Variants in PXYLP1 observed in about 807,000 individuals in gnomAD.
PXYLP1 encodes the protein acid phosphatase-like 2.
In PXYLP1, 17 loss-of-function variants were observed where a neutral mutation model predicts 37.9. The observed-to-expected ratio is 0.45, with a 90% CI of 0.31 to 0.67. The LOEUF (loss-of-function observed/expected upper bound fraction) is 0.67. Among genes scored for constraint, PXYLP1 ranks in the 30% least tolerant of loss-of-function variants. The probability of loss-of-function intolerance (pLI) is 0.07; values close to 1 mark genes in which losing one functional copy is unlikely to be tolerated. For missense variants in PXYLP1, 511 were observed against 612.0 expected (o/e 0.84, Z 1.74); for synonymous variants, 221 against 232.2 (o/e 0.95, Z 0.44).
intron 2 of PXYLP1, among the ~76,000 whole-genome samples, chr3:141,270,769 G>A (rs935010338): frequency 6.6e-6 from 1 of 152,190 alleles, no homozygotes; most frequent in East Asian, 1.9e-4. Flanking sequence ...GTGCTTTTGT[G>A]AAGGGGTGGA....
intron 2 of PXYLP1, chr3:141,274,368 G>T: frequency 9.1e-6 from 13 of 1,433,986 alleles, no homozygotes; most frequent in Non-Finnish European, 1.1e-5. Context: ...GACCCAAGGC[G>T]TATCCTGAGC....
At chr3:141,247,053 G>A (rs992665881) in intron 1 of PXYLP1, among the ~76,000 whole-genome samples, 2 of 152,256 alleles carry the variant, frequency 1.3e-5, no homozygotes, top group African/African-American at 2.4e-5. Context: ...GCCTCAGGCA[G>A]CTCCAAGAGT....
At chr3:141,274,960 C>A (rs73869554) in intron 2 of PXYLP1, among the ~76,000 whole-genome samples, 1,547 of 152,304 alleles carry the variant, frequency 0.01, 26 homozygotes, top group African/African-American at 0.036. Flanking sequence ...TGGCTCAGAG[C>A]AGCTCAGAAC....
intron 4 of PXYLP1, among the ~76,000 whole-genome samples, chr3:141,283,468 A>G (rs1309510925): frequency 6.6e-6 from 1 of 152,180 alleles, no homozygotes; most frequent in African/African-American, 2.4e-5. Flanking sequence ...AGAGAGAAAA[A>G]GGATTTCAAA....
At chr3:141,262,198 T>G (rs1033735854) in intron 2 of PXYLP1, 2 of 827,424 alleles carry the variant, frequency 2.4e-6, no homozygotes, top group Non-Finnish European at 2.9e-6. Flanking sequence ...GACAGCCTAT[T>G]TCTAATAGTA....
chr3:141,286,528 G>A (rs1473651090), intron 4 of PXYLP1, among the ~76,000 whole-genome samples: 1 of 152,178 alleles, frequency 6.6e-6, no homozygotes, highest in African/African-American at 2.4e-5. Context: ...ATAGCTCGTG[G>A]GAAGTGGTGG....
chr3:141,254,205 G>A (rs1941207080), intron 1 of PXYLP1, among the ~76,000 whole-genome samples: 1 of 152,162 alleles, frequency 6.6e-6, no homozygotes, highest in Non-Finnish European at 1.5e-5. Context: ...GAGCTACCAC[G>A]CCCGGCCCCT....
chr3:141,255,635 A>G (rs900501282), intron 1 of PXYLP1, among the ~76,000 whole-genome samples: 18 of 152,174 alleles, frequency 1.2e-4, no homozygotes, highest in East Asian at 1.9e-4. Context: ...CATAGCTTGT[A>G]TGAGTCTCAC....
At chr3:141,256,538 G>A (rs537293700) in intron 1 of PXYLP1, among the ~76,000 whole-genome samples, 4 of 152,046 alleles carry the variant, frequency 2.6e-5, no homozygotes, top group South Asian at 2.1e-4. Flanking sequence ...ACACACACAC[G>A]TATGCGCGTG....
chr3:141,236,300 C>T (rs891916750), intron 1 of PXYLP1: 2 of 152,188 alleles, frequency 1.3e-5, no homozygotes, highest in Non-Finnish European at 2.9e-5. Context: ...GTCACCTGCT[C>T]GCCACCCTTA....
At chr3:141,247,914 T>G (rs113686692) in intron 1 of PXYLP1, among the ~76,000 whole-genome samples, 2 of 152,218 alleles carry the variant, frequency 1.3e-5, no homozygotes, top group Admixed American at 1.3e-4. Context: ...GTCAACCACT[T>G]TGGCTCCCAA....
intron 1 of PXYLP1, among the ~76,000 whole-genome samples, chr3:141,244,696 T>C (rs1576576436): frequency 6.6e-6 from 1 of 151,476 alleles, no homozygotes; most frequent in Admixed American, 6.6e-5. Context: ...TTTTTAAGGC[T>C]GAATCGTGTT....
chr3:141,260,089 A>G (rs1271839876), intron 1 of PXYLP1, 34 bp from the exon 2 acceptor site: 2 of 1,517,908 alleles, frequency 1.3e-6, no homozygotes, highest in African/African-American at 2.7e-5. Context: ...CTCCACCTCT[A>G]AACACTCATT....
intron 1 of PXYLP1, among the ~76,000 whole-genome samples, chr3:141,238,221 C>T (rs977154329): frequency 6.6e-6 from 1 of 152,182 alleles, no homozygotes; most frequent in African/African-American, 2.4e-5. Context: ...AACTTCTTGA[C>T]CCAAAGAAAC....
At position 141,266,901 on chromosome 3, in the gene PXYLP1, A is replaced by G. The variant is rs149256223; in HGVS notation, c.79+6647A>G. Among the ~76,000 whole-genome samples, 429 of 152,280 alleles carry G rather than the reference A, an allele frequency of 2.8e-3. 4 individuals carry two copies. Among genetic ancestry groups the G allele is most frequent in the African/African-American group, 9.6e-3 (400 of 41,538 alleles). On this transcript the variant is annotated intron_variant, in intron 2 of 5. Coordinates refer to ENST00000286353, the MANE Select transcript of PXYLP1 (RefSeq NM_001037172.3). ...GCTTGATAGAACAGTGTGTACATTA[A>G]CATAGAACTGCCTCTGAGTAGGCAA...
In PXYLP1 at chr3:141,254,696, T is replaced by C. The variant is rs185689499; in HGVS notation, c.-53-5427T>C. 2.1e-3 allele frequency among the ~76,000 whole-genome samples: 320 copies of C among 152,272 alleles called. 1 individual carries two copies. Among genetic ancestry groups the C allele is most frequent in the Non-Finnish European group, 3.6e-3 (244 of 68,014 alleles). ...TGCTTGACTCATATTTTGTTCACAATTGCAGACTTGAAGGGTTTTTTTTTT... is the reference window on the plus strand; with the variant it reads ...TGCTTGACTCATATTTTGTTCACAACTGCAGACTTGAAGGGTTTTTTTTTT... On this transcript the variant is annotated intron_variant, in intron 1 of 5. Transcript: ENST00000286353.
chr3:141,257,318 C>T (rs764703387), intron 1 of PXYLP1, among the ~76,000 whole-genome samples: 1 of 152,294 alleles, frequency 6.6e-6, no homozygotes, highest in Non-Finnish European at 1.5e-5. Context: ...ACATGGTGGT[C>T]TCAGTGTTGG....
At chr3:141,274,751 A>G (rs1941751307) in intron 2 of PXYLP1, 1 of 673,478 alleles carries the variant, frequency 1.5e-6, no homozygotes, top group Non-Finnish European at 2.7e-6. Flanking sequence ...TGCATATACT[A>G]TGCTGTGAGC....
intron 5 of PXYLP1, among the ~76,000 whole-genome samples, chr3:141,291,116 C>T (rs1412280917): frequency 6.6e-6 from 1 of 152,138 alleles, no homozygotes; most frequent in Non-Finnish European, 1.5e-5. Context: ...TGTTCCCTTT[C>T]CCAGGGGAAC....
Sources: gnomAD v4.1 joint callset for allele counts (sites outside exome capture counted in the v4.1 genomes callset) on GRCh38, gnomAD v4.1.1 for gene constraint, MANE v1.5 for transcripts, NCBI Gene and HGNC (gene_info 2026-07-23, HGNC 2026-07-21) for gene names.